ARFGEF3: variants seen among roughly 807,000 people sequenced by gnomAD.
ARFGEF3 encodes the protein ARFGEF family member 3, also known as brefeldin A-inhibited guanine nucleotide-exchange protein 3.
In ARFGEF3, 96 loss-of-function variants were observed where a neutral mutation model predicts 221.7. The ratio of observed to expected loss-of-function variants is 0.43; its 90% CI spans 0.37 to 0.51. ARFGEF3 has a LOEUF of 0.51. ARFGEF3 is among the 20% of genes least tolerant of loss of function. The pLI is 0.00. For synonymous variants in ARFGEF3, 1,145 were observed against 1,126.8 expected (o/e 1.02, Z -0.32); for missense variants, 2,410 against 2,789.9 (o/e 0.86, Z 3.07).
intron 2 of ARFGEF3, among the ~76,000 whole-genome samples, chr6:138,173,831 C>T (rs6936844): frequency 1.1e-3 from 163 of 152,240 alleles, no homozygotes; most frequent in African/African-American, 3.7e-3. Flanking sequence ...GATGAATATA[C>T]GCATATGTAC....
chr6:138,237,363 T>C (rs1177544890), intron 5 of ARFGEF3, among the ~76,000 whole-genome samples: 1 of 152,238 alleles, frequency 6.6e-6, no homozygotes, highest in Non-Finnish European at 1.5e-5. Context: ...TCTCTAAATA[T>C]GCTTTGTAAA....
At chr6:138,208,371 A>G (rs1020783131) in intron 3 of ARFGEF3, among the ~76,000 whole-genome samples, 1 of 150,044 alleles carries the variant, frequency 6.7e-6, no homozygotes, top group Non-Finnish European at 1.5e-5. Context: ...AGTATACCAC[A>G]TGATTCTGAA....
rs1474107625 is a variant in ARFGEF3 at position 138,294,020 on chromosome 6, G to A, written c.3396G>A (p.Leu1132=). 1.2e-6 allele frequency: 2 copies of A among 1,613,922 alleles called. No individual in the cohort carries two copies. Among genetic ancestry groups the A allele is most frequent in the Non-Finnish European group, 1.7e-6 (2 of 1,179,840 alleles). Residue 1132 remains leucine (L), a synonymous_variant, in exon 20 of 34, where the codon TTG becomes TTA. Transcript: ENST00000251691. ...TCTTTGAAGATGCTACGGATAAGTT[G>A]AACCTCATGGCCTTGGGAGGTTTTC... ...DRLFEDATDK[L]NLMALGGFLY...
intron 8 of ARFGEF3, among the ~76,000 whole-genome samples, chr6:138,252,773 T>A (rs1778604711): frequency 6.6e-6 from 1 of 152,238 alleles, no homozygotes. Flanking sequence ...CCCACATTAC[T>A]GAGTGAACTC....
At position 138,336,508 on chromosome 6, in the gene ARFGEF3, C is replaced by T; in HGVS notation, c.*22C>T. 1 of 1,577,172 alleles carries T rather than the reference C, an allele frequency of 6.3e-7. No individual in the cohort carries two copies. On this transcript the variant is annotated 3_prime_UTR_variant, in exon 34 of 34. Coordinates refer to ENST00000251691, the MANE Select transcript of ARFGEF3 (RefSeq NM_020340.5). ...GTAGCCGACTCCTGTTCTACTCTCCCACCAAATAACAGTAGTGAGGGTTAG... is the reference window on the plus strand; with the variant it reads ...GTAGCCGACTCCTGTTCTACTCTCCTACCAAATAACAGTAGTGAGGGTTAG...
At chr6:138,320,990 A>G in intron 28 of ARFGEF3, 121 bp from the exon 29 acceptor site, 1 of 636,496 alleles carries the variant, frequency 1.6e-6, no homozygotes, top group Non-Finnish European at 2.7e-6. Context: ...TCATTGTTCT[A>G]TTTCTTTTTC....
intron 27 of ARFGEF3, among the ~76,000 whole-genome samples, chr6:138,319,302 C>A (rs1278260209): frequency 6.6e-6 from 1 of 151,248 alleles, no homozygotes. Context: ...AATGAGTATG[C>A]AGACCGAAGT....
intron 22 of ARFGEF3, 38 bp from the exon 23 acceptor site, chr6:138,307,215 G>C: frequency 6.2e-7 from 1 of 1,604,972 alleles, no homozygotes; most frequent in Non-Finnish European, 8.5e-7. Flanking sequence ...TCCTTTTAAG[G>C]AGAGGGCTTT....
In ARFGEF3 at chr6:138,263,233, A is replaced by T; in HGVS notation, c.1750A>T (p.Thr584Ser). 2 of 1,614,056 alleles carry T rather than the reference A, an allele frequency of 1.2e-6. No homozygotes were observed. The highest frequency in any genetic ancestry group is 1.7e-6 in the Non-Finnish European group (2 of 1,179,910). ...ITNFLSVDCR[T>S]RSYGSRYSES... Reference sequence around the variant, plus strand: ...TAACTTCCTGTCAGTAGACTGCAGGACAAGGTCCTATGGATCTAGGTATAG... The same window carrying T: ...TAACTTCCTGTCAGTAGACTGCAGGTCAAGGTCCTATGGATCTAGGTATAG... Residue 584 changes from threonine (T) to serine (S), a missense_variant, in exon 12 of 34, where the codon ACA becomes TCA. Around this residue, in one of 5 missense-constraint regions of ARFGEF3, gnomAD observed 594 missense variants for 734.3 expected, o/e 0.81. Transcript: ENST00000251691.
chr6:138,282,116 G>A (rs369045837), intron 14 of ARFGEF3, among the ~76,000 whole-genome samples: 56 of 152,136 alleles, frequency 3.7e-4, no homozygotes, highest in African/African-American at 1.2e-3. Flanking sequence ...CACCATGCCC[G>A]GCTAATTTTT....
At chr6:138,185,586 A>C (rs1015494600) in intron 2 of ARFGEF3, among the ~76,000 whole-genome samples, 1 of 152,198 alleles carries the variant, frequency 6.6e-6, no homozygotes, top group Non-Finnish European at 1.5e-5. Flanking sequence ...TAAGATAAAT[A>C]GTTGAAGTTT....
chr6:138,242,854 C>T (rs1290976785), intron 6 of ARFGEF3, 98 bp from the exon 7 acceptor site: 121 of 1,035,104 alleles, frequency 1.2e-4, no homozygotes, highest in Admixed American at 6.0e-5. Context: ...CAGGGCACCC[C>T]GGAAGCCATT....
At chr6:138,310,439 G>A (rs9495009) in intron 24 of ARFGEF3, among the ~76,000 whole-genome samples, 11,464 of 152,326 alleles carry the variant, frequency 0.075, 573 homozygotes, top group African/African-American at 0.16. Context: ...CTACCAGGCA[G>A]AGTTGAGCGG....
intron 10 of ARFGEF3, among the ~76,000 whole-genome samples, chr6:138,260,070 T>C (rs1778758578): frequency 6.6e-6 from 1 of 152,140 alleles, no homozygotes; most frequent in Admixed American, 6.5e-5. Flanking sequence ...TGGAGCATCC[T>C]GAGGCTCAGA....
intron 12 of ARFGEF3, among the ~76,000 whole-genome samples, chr6:138,271,331 C>G (rs1778999731): frequency 6.6e-6 from 1 of 152,144 alleles, no homozygotes. Flanking sequence ...AATAAATAAT[C>G]ATACCACCTA....
intron 31 of ARFGEF3, 68 bp downstream of exon 31, chr6:138,324,222 G>A (rs970235320): frequency 2.7e-5 from 42 of 1,554,252 alleles, no homozygotes; most frequent in Non-Finnish European, 3.5e-5. Context: ...GACCTTCCTT[G>A]AAGGTCTCGC....
intron 10 of ARFGEF3, among the ~76,000 whole-genome samples, chr6:138,260,709 T>A (rs1778776204): frequency 6.6e-6 from 1 of 152,084 alleles, no homozygotes; most frequent in Admixed American, 6.5e-5. Flanking sequence ...TAGGGGATTT[T>A]AAAAAGCAGA....
Position 138,211,755 on chromosome 6 carries a change from G to A in ARFGEF3, c.351+1714G>A, listed in dbSNP as rs374159133. On this transcript the variant is annotated intron_variant, in intron 4 of 33. Coordinates refer to ENST00000251691, the MANE Select transcript of ARFGEF3 (RefSeq NM_020340.5). ...TCTAGGAGCTATGCACAAGCAGAAC[G>A]TTTAATGGTTATGTCAACAGTCGCA... is the stretch of plus-strand genomic sequence containing the variant. Among the ~76,000 whole-genome samples the A allele has an allele frequency of 1.8e-4, 27 of 152,284 alleles. No homozygotes were observed. The East Asian group carries it at 2.5e-3, about 14-fold the overall frequency.
rs969097605 is a variant in ARFGEF3, at chr6:138,343,466, T to C, written c.*6980T>C. 1 of 134,488 alleles carries C rather than the reference T, an allele frequency of 7.4e-6. No homozygotes were observed. The highest frequency in any genetic ancestry group is 2.1e-4 in the South Asian group (1 of 4,752). The allele number at this position is 134,488 out of a possible 1,614,324, so 8.3% of individuals were successfully genotyped here. A position where few individuals can be genotyped will look rare whatever the true frequency, so the allele number is the denominator to read the frequency against. On this transcript the variant is annotated 3_prime_UTR_variant, in exon 34 of 34. Transcript: ENST00000251691. ...GGATGGAAATAAGGGTGTTTTTTTT[T>C]GGTTTTTTTTTTACTTTAGTTTCCC... is the stretch of plus-strand genomic sequence containing the variant.
Sources: allele counts gnomAD v4.1 joint callset (sites outside exome capture counted in the v4.1 genomes callset), GRCh38; gene constraint gnomAD v4.1.1; regional missense constraint gnomAD v4.1.1; transcripts MANE v1.5; gene names NCBI Gene and HGNC (gene_info 2026-07-23, HGNC 2026-07-21).